PHACTR1: variants seen among roughly 807,000 people sequenced by gnomAD.
PHACTR1 encodes RPEL repeat containing 1.
PHACTR1 carries 16 observed loss-of-function variants against 69.2 expected under a neutral mutation model. The observed-to-expected ratio is 0.23, with a 90% CI of 0.16 to 0.35. The LOEUF (loss-of-function observed/expected upper bound fraction) is 0.35. PHACTR1 is among the 10% of genes least tolerant of loss of function. PHACTR1 has a pLI of 1.00. For synonymous variants in PHACTR1, 312 were observed against 284.5 expected (o/e 1.10, Z -0.97); for missense variants, 510 against 734.7 (o/e 0.69, Z 3.54).
At chr6:12,854,474 A>G (rs1780134592) in intron 4 of PHACTR1, among the ~76,000 whole-genome samples, 3 of 152,122 alleles carry the variant, frequency 2.0e-5, no homozygotes, top group Admixed American at 2.0e-4. Context: ...TTTGTTGTGT[A>G]CCTAAGGAAA....
chr6:12,894,320 T>C (rs1363687730), intron 4 of PHACTR1, among the ~76,000 whole-genome samples: 1 of 152,112 alleles, frequency 6.6e-6, no homozygotes, highest in Non-Finnish European at 1.5e-5. Context: ...AACTTTTCAT[T>C]TGGGCGGGGC....
chr6:12,719,299 A>C (rs1279948293), intron 3 of PHACTR1, among the ~76,000 whole-genome samples: 3 of 152,204 alleles, frequency 2.0e-5, no homozygotes, highest in Non-Finnish European at 4.4e-5. Context: ...TTTTAGCTGA[A>C]TTCAGTTACC....
intron 5 of PHACTR1, among the ~76,000 whole-genome samples, chr6:13,077,187 A>AAG (rs1561796063): frequency 2.0e-4 from 29 of 147,818 alleles, no homozygotes; most frequent in Non-Finnish European, 1.9e-4. Flanking sequence ...AAAAAAAAAA[A>AAG]AAAGTGATTG....
At chr6:12,996,103 G>T (rs1797384488) in intron 4 of PHACTR1, among the ~76,000 whole-genome samples, 1 of 152,064 alleles carries the variant, frequency 6.6e-6, no homozygotes, top group South Asian at 2.1e-4. Context: ...AGCCTTGCAT[G>T]TATGTGTTAG....
chr6:13,087,847 G>A (rs112102503), intron 5 of PHACTR1, among the ~76,000 whole-genome samples: 13,370 of 151,606 alleles, frequency 0.088, 1,933 homozygotes, highest in African/African-American at 0.3. Flanking sequence ...GGATTTCACC[G>A]TGCTGCCCGG....
chr6:13,282,741 G>A (rs530324050), intron 12 of PHACTR1, among the ~76,000 whole-genome samples: 1 of 141,162 alleles, frequency 7.1e-6, no homozygotes. Flanking sequence ...TGACACAGAT[G>A]TGGATTCACA....
chr6:13,005,017 A>G (rs893218692), intron 4 of PHACTR1, among the ~76,000 whole-genome samples: 1 of 151,610 alleles, frequency 6.6e-6, no homozygotes, highest in Admixed American at 6.6e-5. Flanking sequence ...TTACAAATGA[A>G]TATCTTTAAA....
chr6:13,160,327 C>T (rs369537300), intron 6 of PHACTR1, 43 bp downstream of exon 6: 23 of 1,528,042 alleles, frequency 1.5e-5, no homozygotes, highest in East Asian at 1.1e-4. Context: ...AAGAGTCATG[C>T]GTGGAATCTG....
chr6:12,959,081 G>T (rs1792288165), intron 4 of PHACTR1, among the ~76,000 whole-genome samples: 1 of 148,754 alleles, frequency 6.7e-6, no homozygotes, highest in Admixed American at 6.8e-5. Context: ...GGAGCCTGTG[G>T]CATGAGAATA....
At chr6:12,793,777 G>A (rs546309047) in intron 4 of PHACTR1, among the ~76,000 whole-genome samples, 5 of 152,268 alleles carry the variant, frequency 3.3e-5, no homozygotes, top group South Asian at 4.1e-4. Flanking sequence ...ATAGACTCAT[G>A]TTTCTGTTTT....
intron 4 of PHACTR1, among the ~76,000 whole-genome samples, chr6:12,911,811 T>C (rs776728484): frequency 1.7e-4 from 26 of 152,170 alleles, no homozygotes; most frequent in Non-Finnish European, 3.5e-4. Context: ...AATAATCTCA[T>C]TGTCATTTAA....
At chr6:13,164,117 C>T (rs1019436205) in intron 6 of PHACTR1, among the ~76,000 whole-genome samples, 10 of 151,904 alleles carry the variant, frequency 6.6e-5, no homozygotes, top group African/African-American at 1.2e-4. Flanking sequence ...ACCGAGAACC[C>T]GGTCTTCTGT....
intron 4 of PHACTR1, among the ~76,000 whole-genome samples, chr6:12,871,982 C>A (rs1410780270): frequency 6.6e-6 from 1 of 151,342 alleles, no homozygotes; most frequent in Non-Finnish European, 1.5e-5. Context: ...TACCAATTTT[C>A]AGAATGAGTT....
chr6:12,797,660 C>T (rs1054141377), intron 4 of PHACTR1, among the ~76,000 whole-genome samples: 1 of 152,116 alleles, frequency 6.6e-6, no homozygotes, highest in African/African-American at 2.4e-5. Context: ...TCTGGACTGC[C>T]TCACCCACCT....
At chr6:12,774,409 G>C (rs1769771918) in intron 4 of PHACTR1, among the ~76,000 whole-genome samples, 1 of 150,112 alleles carries the variant, frequency 6.7e-6, no homozygotes, top group Non-Finnish European at 1.5e-5. Flanking sequence ...TTGTTGTTTT[G>C]AGATGGCATT....
At chr6:13,217,307 G>T (rs377308140) in intron 8 of PHACTR1, among the ~76,000 whole-genome samples, 69 of 152,254 alleles carry the variant, frequency 4.5e-4, no homozygotes, top group African/African-American at 1.6e-3. Flanking sequence ...AAGAGACAAG[G>T]TTAGCAATGG....
intron 4 of PHACTR1, among the ~76,000 whole-genome samples, chr6:12,850,131 C>T (rs1383615034): frequency 1.3e-5 from 2 of 152,202 alleles, no homozygotes; most frequent in Admixed American, 6.5e-5. Context: ...TTTTTTCCCT[C>T]TTGCCCTGGG....
At chr6:13,171,578 TGTGGTG>T (rs886522432) in intron 6 of PHACTR1, among the ~76,000 whole-genome samples, 1 of 152,226 alleles carries the variant, frequency 6.6e-6, no homozygotes, top group Non-Finnish European at 1.5e-5. Flanking sequence ...TCTAGCTACG[TGTGGTG>T]GTGGAGCACT....
At chr6:12,919,093 C>A (rs1259695629) in intron 4 of PHACTR1, among the ~76,000 whole-genome samples, 1 of 151,578 alleles carries the variant, frequency 6.6e-6, no homozygotes, top group Non-Finnish European at 1.5e-5. Context: ...CTCCCAAAGT[C>A]CTGGGATTAC....
Sources: gnomAD v4.1 joint callset for allele counts (sites outside exome capture counted in the v4.1 genomes callset) on GRCh38, gnomAD v4.1.1 for gene constraint, MANE v1.5 for transcripts, NCBI Gene and HGNC (gene_info 2026-07-23, HGNC 2026-07-21) for gene names.